NRG3: variants seen among roughly 807,000 people sequenced by gnomAD.
NRG3 encodes pro-neuregulin-3, membrane-bound isoform.
Under a neutral mutation model 66.9 loss-of-function variants are expected in NRG3, and 31 were observed. That is an observed-to-expected ratio of 0.46 (90% CI 0.35 to 0.63). The LOEUF (loss-of-function observed/expected upper bound fraction) is 0.63. Among genes scored for constraint, NRG3 ranks in the 20% least tolerant of loss-of-function variants. The pLI, the probability that NRG3 is intolerant of heterozygous loss-of-function variation, is 0.00. For synonymous variants in NRG3, 393 were observed against 359.4 expected (o/e 1.09, Z -1.06); for missense variants, 910 against 878.9 (o/e 1.04, Z -0.45).
chr10:82,289,244 G>T (rs777992663), intron 1 of NRG3, among the ~76,000 whole-genome samples: 4 of 151,994 alleles, frequency 2.6e-5, no homozygotes, highest in Non-Finnish European at 5.9e-5. Context: ...AAGGTAACAG[G>T]ACAAAGAATC....
chr10:82,053,390 C>A (rs1393685909), intron 1 of NRG3, among the ~76,000 whole-genome samples: 1 of 152,024 alleles, frequency 6.6e-6, no homozygotes, highest in Non-Finnish European at 1.5e-5. Flanking sequence ...TGAGGAAGAT[C>A]CATAAATTCA....
At chr10:82,474,851 CAAAG>C (rs1449648295) in intron 2 of NRG3, among the ~76,000 whole-genome samples, 2 of 151,806 alleles carry the variant, frequency 1.3e-5, no homozygotes, top group Admixed American at 6.6e-5. Context: ...AATTCAAAGA[CAAAG>C]AAAGCATCTT....
At chr10:82,863,534 T>C (rs2064253499) in intron 3 of NRG3, among the ~76,000 whole-genome samples, 1 of 152,210 alleles carries the variant, frequency 6.6e-6, no homozygotes, top group Admixed American at 6.5e-5. Context: ...GTTTCTTGAC[T>C]TTTAATGATC....
chr10:82,036,259 T>TA (rs1338896020), intron 1 of NRG3, among the ~76,000 whole-genome samples: 3 of 152,080 alleles, frequency 2.0e-5, no homozygotes, highest in African/African-American at 7.2e-5. Context: ...TACCTCCCTT[T>TA]AAACTAGATA....
In NRG3 at chr10:82,986,003, C is replaced by T. The variant is rs970577786; in HGVS notation, c.*398C>T. The T allele has an allele frequency of 5.9e-6, 1 of 169,532 alleles. No individual in the cohort carries two copies. Among genetic ancestry groups the T allele is most frequent in the African/African-American group, 2.4e-5 (1 of 41,614 alleles). The allele number at this position is 169,532 out of a possible 1,614,324, so 10.5% of individuals were successfully genotyped here. A position where few individuals can be genotyped will look rare whatever the true frequency, so the allele number is the denominator to read the frequency against. Reference sequence around the variant, plus strand: ...TGGATGCACCAGTGAGCAGGTGGCTCTTGCCATTTGGCTTGCCAGTCCCAA... The same window carrying T: ...TGGATGCACCAGTGAGCAGGTGGCTTTTGCCATTTGGCTTGCCAGTCCCAA... On this transcript the variant is annotated 3_prime_UTR_variant, in exon 9 of 9. Coordinates refer to ENST00000372141, the MANE Select transcript of NRG3 (RefSeq NM_001010848.4).
intron 2 of NRG3, among the ~76,000 whole-genome samples, chr10:82,638,907 AGT>A (rs1266982814): frequency 1.3e-5 from 2 of 152,122 alleles, no homozygotes; most frequent in Non-Finnish European, 1.5e-5. Flanking sequence ...AGCCTCCCAA[AGT>A]GCTGGGATTA....
intron 6 of NRG3, among the ~76,000 whole-genome samples, chr10:82,961,111 A>AT (rs1850596318): frequency 6.6e-6 from 1 of 152,232 alleles, no homozygotes; most frequent in Admixed American, 6.5e-5. Flanking sequence ...ATTTCCATAC[A>AT]TTAACAATAA....
At chr10:82,855,688 A>G (rs1462252373) in intron 3 of NRG3, among the ~76,000 whole-genome samples, 5 of 152,062 alleles carry the variant, frequency 3.3e-5, no homozygotes, top group Non-Finnish European at 7.4e-5. Context: ...GTGAGCCACC[A>G]CGTCCAGCTG....
intron 2 of NRG3, among the ~76,000 whole-genome samples, chr10:82,729,312 CT>C (rs1164815026): frequency 6.6e-6 from 1 of 152,212 alleles, no homozygotes; most frequent in East Asian, 1.9e-4. Flanking sequence ...TTGTTACCCC[CT>C]CTAAACCTTT....
chr10:82,644,950 G>C (rs2050836165), intron 2 of NRG3, among the ~76,000 whole-genome samples: 1 of 151,946 alleles, frequency 6.6e-6, no homozygotes, highest in African/African-American at 2.4e-5. Flanking sequence ...TTTTTTCTTA[G>C]GTGAACTCTA....
At chr10:82,881,841 T>C (rs1197838339) in intron 4 of NRG3, among the ~76,000 whole-genome samples, 2 of 152,158 alleles carry the variant, frequency 1.3e-5, no homozygotes, top group African/African-American at 4.8e-5. Context: ...TGTTTTTCCT[T>C]TCTTCATTTC....
At chr10:82,789,658 A>G (rs945953000) in intron 3 of NRG3, among the ~76,000 whole-genome samples, 2 of 152,034 alleles carry the variant, frequency 1.3e-5, no homozygotes, top group East Asian at 1.9e-4. Flanking sequence ...TTTTATTGGA[A>G]TGTTTGACAC....
At chr10:82,345,981 T>G (rs1352238947) in intron 1 of NRG3, among the ~76,000 whole-genome samples, 2 of 152,164 alleles carry the variant, frequency 1.3e-5, no homozygotes, top group Admixed American at 6.5e-5. Context: ...CAATGCGGTT[T>G]TCTAGATATA....
chr10:82,600,075 A>G (rs1436464708), intron 2 of NRG3, among the ~76,000 whole-genome samples: 1 of 152,132 alleles, frequency 6.6e-6, no homozygotes, highest in Non-Finnish European at 1.5e-5. Flanking sequence ...GATCTAATTG[A>G]TTGTTAAGCA....
intron 5 of NRG3, chr10:82,955,266 A>G (rs1849933239): frequency 6.6e-6 from 1 of 151,940 alleles, no homozygotes; most frequent in African/African-American, 2.4e-5. Context: ...AGTAAGAAAC[A>G]CCTTGAATTT....
intron 2 of NRG3, among the ~76,000 whole-genome samples, chr10:82,436,925 C>T (rs961047914): frequency 1.3e-5 from 2 of 152,136 alleles, no homozygotes; most frequent in Non-Finnish European, 2.9e-5. Context: ...TGATGGGCTT[C>T]CCTTTGTAGA....
Position 82,986,582 on chromosome 10 carries a change from T to A in NRG3, c.*977T>A, listed in dbSNP as rs765042848. The A allele has an allele frequency of 3.3e-5, 5 of 152,206 alleles. No homozygotes were observed. The highest frequency in any genetic ancestry group is 5.9e-5 in the Non-Finnish European group (4 of 68,042). 9.4% of individuals were successfully genotyped at this position (152,206 alleles called of 1,614,324 possible). On this transcript the variant is annotated 3_prime_UTR_variant, in exon 9 of 9. Transcript: ENST00000372141. ...TTAAATTTTTCCATTAAGTATAAAG[T>A]TCAGTTAGTTCTTAAATCAAGGTCA...
intron 4 of NRG3, among the ~76,000 whole-genome samples, chr10:82,927,262 T>C (rs1219363425): frequency 6.6e-6 from 1 of 152,226 alleles, no homozygotes; most frequent in Non-Finnish European, 1.5e-5. Flanking sequence ...ATTATTCTTG[T>C]GGCAATTCAA....
At chr10:82,681,528 T>G (rs551448005) in intron 2 of NRG3, among the ~76,000 whole-genome samples, 4 of 152,248 alleles carry the variant, frequency 2.6e-5, no homozygotes, top group Non-Finnish European at 5.9e-5. Context: ...CAGCAGGGAC[T>G]GGCAGAAACA....
Sources: allele counts gnomAD v4.1 joint callset (sites outside exome capture counted in the v4.1 genomes callset), GRCh38; gene constraint gnomAD v4.1.1; transcripts MANE v1.5; gene names NCBI Gene and HGNC (gene_info 2026-07-23, HGNC 2026-07-21).